Variants in NAA40 observed in about 807,000 individuals in gnomAD.
The protein encoded by NAA40 is N-alpha-acetyltransferase 40.
Under a neutral mutation model 36.6 loss-of-function variants are expected in NAA40, and 26 were observed. The ratio of observed to expected loss-of-function variants is 0.71; its 90% confidence interval spans 0.52 to 0.98. The LOEUF is 0.98. Among genes scored for constraint, NAA40 ranks in the 50% least tolerant of loss-of-function variants. NAA40 has a pLI of 0.00. For missense variants in NAA40, 237 were observed against 306.5 expected (o/e 0.77, Z 1.69); for synonymous variants, 129 against 108.4 (o/e 1.19, Z -1.18).
chr11:63,947,960 T>C (rs1314879425), intron 3 of NAA40, among the ~76,000 whole-genome samples: 7 of 151,886 alleles, frequency 4.6e-5, no homozygotes, highest in African/African-American at 1.7e-4. Flanking sequence ...GACCTCATGA[T>C]CCACCTGTCT....
At chr11:63,949,354 T>C (rs554929333) in intron 3 of NAA40, among the ~76,000 whole-genome samples, 2 of 152,240 alleles carry the variant, frequency 1.3e-5, no homozygotes, top group South Asian at 4.1e-4. Context: ...GCGGGGTACA[T>C]GTGCAGCTGT....
At position 63,946,372 on chromosome 11, in the gene NAA40, C is replaced by A. The variant is rs772881532; in HGVS notation, c.102+437C>A. ...GGGACTATAGGTGCCCACCACCACA[C>A]CCGGGTAATTTTTGTAGAGACGGGG... On this transcript the variant is annotated intron_variant, in intron 2 of 7. Coordinates refer to ENST00000377793, the MANE Select transcript of NAA40 (RefSeq NM_024771.4). 4.0e-4 allele frequency: 110 copies of A among 278,466 alleles called. 1 individual carries two copies. Among genetic ancestry groups the A allele is most frequent in the Non-Finnish European group, 5.8e-4 (93 of 159,336 alleles). 17.2% of individuals were successfully genotyped at this position (278,466 alleles called of 1,614,324 possible).
intron 7 of NAA40, 141 bp from the exon 8 acceptor site, chr11:63,954,197 C>T (rs1248650935): frequency 2.3e-6 from 3 of 1,319,480 alleles, no homozygotes; most frequent in African/African-American, 3.0e-5. Context: ...TATGGCAGTG[C>T]TCTCTGATTT....
Position 63,954,025 on chromosome 11 carries a change from A to C in NAA40, c.548A>C (p.Tyr183Ser). The C allele has an allele frequency of 6.2e-7, 1 of 1,614,130 alleles. No individual in the cohort carries two copies. The highest frequency in any genetic ancestry group is 8.5e-7 in the Non-Finnish European group (1 of 1,180,008). Residue 183 changes from tyrosine to serine, a missense_variant, in exon 7 of 8, where the codon TAC becomes TCC. Transcript: ENST00000377793. ...LTVFKHNHGA[Y>S]QFFREALQFE... The stretch of plus-strand genomic sequence containing the variant: ...GTATTTAAACACAATCATGGTGCCT[A>C]CCAGTTCTTCAGAGAAGCGTTGCAG...
rs548158062 is a variant in NAA40, at chr11:63,946,868, A to G, written c.103-83A>G. 6.2e-6 allele frequency: 10 copies of G among 1,609,226 alleles called. No individual in the cohort carries two copies. In the Admixed American group the frequency reaches 1.5e-4, roughly 24 times the overall value. Reference sequence around the variant, plus strand: ...CCGTTGTGGGTCCCCACAGCATCCCACTCCAAGACAACAGCTCTTGGGATA... The same window carrying G: ...CCGTTGTGGGTCCCCACAGCATCCCGCTCCAAGACAACAGCTCTTGGGATA... On this transcript the variant is annotated intron_variant, in intron 2 of 7. Coordinates refer to ENST00000377793, the MANE Select transcript of NAA40 (RefSeq NM_024771.4).
intron 1 of NAA40, among the ~76,000 whole-genome samples, chr11:63,945,463 G>A (rs971827632): frequency 1.3e-5 from 2 of 152,126 alleles, no homozygotes; most frequent in South Asian, 2.1e-4. Context: ...TCCCTGAAGC[G>A]GTCTTCAGTG....
intron 1 of NAA40, among the ~76,000 whole-genome samples, chr11:63,940,855 G>A (rs1219597751): frequency 6.6e-6 from 1 of 152,136 alleles, no homozygotes; most frequent in East Asian, 1.9e-4. Flanking sequence ...GAGACCTTAG[G>A]CATATTTAAC....
At chr11:63,944,339 G>T (rs7128959) in intron 1 of NAA40, among the ~76,000 whole-genome samples, 8 of 152,016 alleles carry the variant, frequency 5.3e-5, no homozygotes, top group South Asian at 2.1e-4. Flanking sequence ...AGGGGTGTTG[G>T]GGGGGAGGTG....
At chr11:63,951,107 CT>C (rs996012407) in intron 3 of NAA40, among the ~76,000 whole-genome samples, 1 of 152,130 alleles carries the variant, frequency 6.6e-6, no homozygotes, top group Non-Finnish European at 1.5e-5. Flanking sequence ...CGTACATCCT[CT>C]GGGGGTTGTG....
intron 2 of NAA40, chr11:63,946,646 T>G (rs942088446): frequency 1.5e-6 from 2 of 1,372,422 alleles, no homozygotes; most frequent in Non-Finnish European, 1.9e-6. Flanking sequence ...GCAGATCAGG[T>G]AGCCTCTTCT....
chr11:63,947,619 C>T (rs1330077476), intron 3 of NAA40, among the ~76,000 whole-genome samples: 3 of 151,720 alleles, frequency 2.0e-5, no homozygotes, highest in East Asian at 1.9e-4. Context: ...GACGCAATCT[C>T]GGCTCACTGC....
chr11:63,947,037 C>A (rs1942199385), intron 3 of NAA40, 34 bp downstream of exon 3: 1 of 1,585,126 alleles, frequency 6.3e-7, no homozygotes, highest in African/African-American at 1.3e-5. Context: ...ACTGCTGTCT[C>A]CTCGAGTGTC....
chr11:63,949,421 C>G (rs1215822713), intron 3 of NAA40, among the ~76,000 whole-genome samples: 1 of 151,874 alleles, frequency 6.6e-6, no homozygotes, highest in Non-Finnish European at 1.5e-5. Flanking sequence ...ATCATCGTAC[C>G]CAATAGGTAA....
At chr11:63,944,194 GAACTTCCCCAGCATCTGGTTTTTC>G (rs1942150253) in intron 1 of NAA40, among the ~76,000 whole-genome samples, 1 of 152,184 alleles carries the variant, frequency 6.6e-6, no homozygotes, top group Admixed American at 6.5e-5. Context: ...CTGATTCTGA[GAACTTCCCCAGCATCTGGTTTTTC>G]AACTCATGCA....
chr11:63,939,213 C>T, intron 1 of NAA40, 111 bp downstream of exon 1: 1 of 1,232,788 alleles, frequency 8.1e-7, no homozygotes, highest in Non-Finnish European at 1.1e-6. Context: ...TCCAGCCTCA[C>T]GTGACCCCTG....
At chr11:63,946,041 C>T in intron 2 of NAA40, 106 bp downstream of exon 2, 5 of 943,706 alleles carry the variant, frequency 5.3e-6, no homozygotes, top group Non-Finnish European at 8.3e-6. Flanking sequence ...CACTACCCAC[C>T]CACACCGCCT....
intron 1 of NAA40, among the ~76,000 whole-genome samples, chr11:63,942,376 C>A (rs1378201250): frequency 6.6e-6 from 1 of 152,186 alleles, no homozygotes; most frequent in African/African-American, 2.4e-5. Context: ...GAAGTCCCCT[C>A]CTGCGACTGT....
At chr11:63,941,857 G>T (rs1018213974) in intron 1 of NAA40, among the ~76,000 whole-genome samples, 2 of 152,088 alleles carry the variant, frequency 1.3e-5, no homozygotes, top group South Asian at 2.1e-4. Context: ...CCCAGCCTGG[G>T]TGTGTTTTTT....
chr11:63,946,130 G>A (rs1942182555), intron 2 of NAA40, 195 bp downstream of exon 2: 6 of 580,336 alleles, frequency 1.0e-5, no homozygotes, highest in Non-Finnish European at 1.8e-5. Context: ...CAGGTGTTTG[G>A]GAAAACGTGG....
Sources: gnomAD v4.1 joint callset for allele counts (sites outside exome capture counted in the v4.1 genomes callset) on GRCh38, gnomAD v4.1.1 for gene constraint, MANE v1.5 for transcripts, NCBI Gene and HGNC (gene_info 2026-07-23, HGNC 2026-07-21) for gene names.